The following ALPL variants were observed in gnomAD, a reference collection of about 807,000 sequenced individuals.
The protein encoded by ALPL is alkaline phosphatase, biomineralization associated.
A neutral mutation model predicts 51.3 loss-of-function variants in ALPL; 42 were observed. That is an observed-to-expected ratio of 0.82 (90% CI 0.64 to 1.06). The LOEUF is 1.06. Ranked by LOEUF, ALPL falls within the 50% of genes least tolerant of loss-of-function variation. The pLI is 0.00. For synonymous variants in ALPL, 279 were observed against 296.4 expected (o/e 0.94, Z 0.60); for missense variants, 589 against 709.4 (o/e 0.83, Z 1.93).
In ALPL at chr1:21,569,459, C is replaced by A. The variant is rs111278105; in HGVS notation, c.793-846C>A. Among the ~76,000 whole-genome samples the A allele has an allele frequency of 2.9e-3, 438 of 152,302 alleles. 2 individuals are homozygous for A. Among genetic ancestry groups the A allele is most frequent in the African/African-American group, 0.01 (416 of 41,556 alleles). On this transcript the variant is annotated intron_variant, in intron 7 of 11. Transcript: ENST00000374840. The stretch of plus-strand genomic sequence containing the variant: ...TAGAGTCAGTTTCACCTTTACCATT[C>A]AGTGGCTACGTGGTCTGTGTGCCTC...
rs560183001 is a variant in ALPL, at chr1:21,543,720, CG to C, written c.-104-10254del. ...AGCACCTCAAGTGATTTTTGTGGCT[CG>C]GGGCATTTGGGAAATCGCAAAAGAC... is the stretch of plus-strand genomic sequence containing the variant. On this transcript the variant is annotated intron_variant, in intron 1 of 11. Transcript: ENST00000374840. Among the ~76,000 whole-genome samples the C allele has an allele frequency of 2.2e-4, 34 of 152,104 alleles. No individual in the cohort carries two copies. In the East Asian group the frequency reaches 6.4e-3, roughly 28 times the overall value.
At chr1:21,547,212 A>G (rs1644264023) in intron 1 of ALPL, among the ~76,000 whole-genome samples, 1 of 152,206 alleles carries the variant, frequency 6.6e-6, no homozygotes, top group Admixed American at 6.5e-5. Flanking sequence ...CCGGGGCTCA[A>G]ATGGGAGAGA....
intron 8 of ALPL, among the ~76,000 whole-genome samples, chr1:21,572,850 C>T (rs892935895): frequency 1.3e-5 from 2 of 152,214 alleles, no homozygotes; most frequent in Non-Finnish European, 2.9e-5. Context: ...TGATTCCAAA[C>T]CTTCTGCTGT....
chr1:21,560,893 C>A, intron 3 of ALPL, 148 bp downstream of exon 3: 1 of 1,175,860 alleles, frequency 8.5e-7, no homozygotes, highest in Non-Finnish European at 1.2e-6. Flanking sequence ...GCTGTGGATT[C>A]AAGAGGCCTG....
At chr1:21,551,745 T>TTTTTTG (rs1644326080) in intron 1 of ALPL, among the ~76,000 whole-genome samples, 2 of 131,144 alleles carry the variant, frequency 1.5e-5, no homozygotes, top group African/African-American at 2.7e-5. Flanking sequence ...TTTTTTTTTT[T>TTTTTTG]GAGACAGAGT....
chr1:21,577,613 G>A lies in ALPL; in HGVS notation c.1540G>A (p.Ala514Thr), dbSNP rs367657406. 120 of 1,599,830 alleles carry A rather than the reference G, an allele frequency of 7.5e-5. No individual in the cohort carries two copies. The highest frequency in any genetic ancestry group is 6.6e-4 in the Middle Eastern group (4 of 6,062). ...CCTTGCTGCAGGCCCCCTGCTGCTC[G>A]CGCTGGCCCTCTACCCCCTGAGCGT... ...GSLAAGPLLL[A>T]LALYPLSVLF The change falls in exon 12 of 12, where the codon GCG (alanine) becomes ACG (threonine). Residue 514 changes from alanine to threonine, a missense_variant. Transcript: ENST00000374840.
chr1:21,535,826 G>T (rs1166840636), intron 1 of ALPL, among the ~76,000 whole-genome samples: 1 of 152,200 alleles, frequency 6.6e-6, no homozygotes, highest in Non-Finnish European at 1.5e-5. Context: ...AGAAAAAGCA[G>T]TAGCACTGGG....
chr1:21,522,072 ATTT>A (rs35302039), intron 1 of ALPL, among the ~76,000 whole-genome samples: 2 of 134,718 alleles, frequency 1.5e-5, no homozygotes, highest in Admixed American at 7.5e-5. Context: ...ACATATGTCC[ATTT>A]TTTTTTTTTT....
intron 1 of ALPL, among the ~76,000 whole-genome samples, chr1:21,537,766 G>A (rs1465069254): frequency 4.6e-5 from 7 of 152,206 alleles, no homozygotes; most frequent in Non-Finnish European, 8.8e-5. Context: ...GCGCTCCCAC[G>A]TGGTTGCTTT....
intron 4 of ALPL, among the ~76,000 whole-genome samples, chr1:21,562,723 C>G (rs1351717190): frequency 1.3e-5 from 2 of 150,924 alleles, no homozygotes. Flanking sequence ...ATCCCCAGAC[C>G]CCCCACTCCT....
intron 1 of ALPL, among the ~76,000 whole-genome samples, chr1:21,548,660 CAG>C (rs1644283466): frequency 1.3e-5 from 2 of 152,196 alleles, no homozygotes; most frequent in South Asian, 4.1e-4. Context: ...ACCCTCAGTG[CAG>C]AGAGAGTGGG....
rs1644755040 is a variant in ALPL, at chr1:21,577,484, C to T, written c.1411C>T (p.Leu471=). 6.2e-7 allele frequency: 1 copy of T among 1,609,942 alleles called. No individual in the cohort carries two copies. Among genetic ancestry groups the T allele is most frequent in the Non-Finnish European group, 8.5e-7 (1 of 1,179,922 alleles). The change falls in exon 12 of 12, where the codon CTG becomes TTG. Residue 471 remains leucine (L), a synonymous_variant. Transcript: ENST00000374840. The stretch of plus-strand genomic sequence containing the variant: ...CTCCAAGGGCCCCATGGCGCACCTG[C>T]TGCACGGCGTCCACGAGCAGAACTA... ...VFSKGPMAHL[L]HGVHEQNYVP... is the part of the protein sequence containing the mutation.
intron 1 of ALPL, among the ~76,000 whole-genome samples, chr1:21,524,919 A>G (rs967376316): frequency 9.2e-5 from 14 of 152,236 alleles, no homozygotes; most frequent in African/African-American, 3.4e-4. Flanking sequence ...GGGGGAGGCC[A>G]GAGCAATTAG....
intron 1 of ALPL, among the ~76,000 whole-genome samples, chr1:21,516,474 T>G (rs1643802883): frequency 6.6e-6 from 1 of 152,220 alleles, no homozygotes; most frequent in South Asian, 2.1e-4. Context: ...GTGCCTTGCC[T>G]GTAATTACTA....
At chr1:21,562,301 C>A (rs1203501109) in intron 4 of ALPL, among the ~76,000 whole-genome samples, 1 of 152,202 alleles carries the variant, frequency 6.6e-6, no homozygotes, top group Non-Finnish European at 1.5e-5. Context: ...ACTTGCTTGA[C>A]ACAGGGTTGC....
rs1644365711 is a variant in ALPL at position 21,554,018 on chromosome 1, C to A, written c.-64C>A. 1 of 1,007,344 alleles carries A rather than the reference C, an allele frequency of 9.9e-7. No individual in the cohort carries two copies. Among genetic ancestry groups the A allele is most frequent in the South Asian group, 1.3e-5 (1 of 79,362 alleles). 62.4% of individuals were successfully genotyped at this position (1,007,344 alleles called of 1,614,324 possible). ...TAACATCTGACCACTGCCAGCCCAC[C>A]CCCTCCCACCCACGTCGATTGCATC... is the stretch of plus-strand genomic sequence containing the variant. On this transcript the variant is annotated 5_prime_UTR_variant, in exon 2 of 12. Coordinates refer to ENST00000374840, the MANE Select transcript of ALPL (RefSeq NM_000478.6).
At chr1:21,510,441 C>T (rs6703976) in intron 1 of ALPL, among the ~76,000 whole-genome samples, 28,085 of 152,112 alleles carry the variant, frequency 0.18, 3,221 homozygotes, top group African/African-American at 0.31. Context: ...AAAGTCAGAC[C>T]GCTCAGGTGG....
intron 6 of ALPL, among the ~76,000 whole-genome samples, chr1:21,565,571 T>C (rs1644550989): frequency 1.3e-5 from 2 of 150,146 alleles, no homozygotes; most frequent in African/African-American, 2.5e-5. Flanking sequence ...TTGAAGGAAA[T>C]TCGAGGGGAG....
chr1:21,570,184 G>C (rs2148176561), intron 7 of ALPL, 121 bp from the exon 8 acceptor site: 1 of 971,210 alleles, frequency 1.0e-6, no homozygotes, highest in East Asian at 2.6e-5. Flanking sequence ...GGGTCCTCAG[G>C]GAGAGATTTT....
Sources: gnomAD v4.1 joint callset for allele counts (sites outside exome capture counted in the v4.1 genomes callset) on GRCh38, gnomAD v4.1.1 for gene constraint, MANE v1.5 for transcripts, NCBI Gene and HGNC (gene_info 2026-07-23, HGNC 2026-07-21) for gene names.